The following LRRIQ1 variants were observed in gnomAD, a reference collection of about 807,000 sequenced individuals.
The protein encoded by LRRIQ1 is leucine-rich repeat- and IQ domain-containing protein 1.
Under a neutral mutation model 211.9 loss-of-function variants are expected in LRRIQ1, and 210 were observed. The observed-to-expected ratio is 0.99, with a 90% confidence interval of 0.89 to 1.11. The LOEUF (loss-of-function observed/expected upper bound fraction) is 1.11, where lower values mean the gene tolerates loss of function less well. Ranked by LOEUF, LRRIQ1 falls within the 50% of genes most tolerant of loss-of-function variation. The pLI, the probability that LRRIQ1 is intolerant of heterozygous loss-of-function variation, is 0.00. For synonymous variants in LRRIQ1, 699 were observed against 650.1 expected, an observed-to-expected ratio of 1.08 and a Z score of -1.14; for missense variants, 2,136 against 1,939.5, an observed-to-expected ratio of 1.10 and a Z score of -1.90.
chr12:85,098,832 C>T, intron 12 of LRRIQ1, 35 bp from the exon 13 acceptor site: 4 of 1,434,700 alleles, frequency 2.8e-6, no homozygotes, highest in Non-Finnish European at 3.8e-6. Context: ...AAATATTTTG[C>T]TTAATATAAA....
intron 8 of LRRIQ1, among the ~76,000 whole-genome samples, chr12:85,064,550 C>T (rs1164499426): frequency 2.6e-5 from 4 of 151,366 alleles, no homozygotes; most frequent in African/African-American, 7.3e-5. Context: ...CCATTTTTGC[C>T]TTGGTTGCCT....
intron 24 of LRRIQ1, among the ~76,000 whole-genome samples, chr12:85,192,412 T>TTA (rs1892570649): frequency 7.4e-6 from 1 of 134,672 alleles, no homozygotes; most frequent in Non-Finnish European, 1.5e-5. Flanking sequence ...ATTTATATAA[T>TTA]TATATACATT....
chr12:85,247,601 T>C (rs779114842), downstream of LRRIQ1, among the ~76,000 whole-genome samples: 6 of 151,582 alleles, frequency 4.0e-5, no homozygotes, highest in Non-Finnish European at 7.4e-5. Context: ...TAGTAATGTT[T>C]ATATCATAGT....
At chr12:85,270,809 T>C in the LRRIQ1 span, among the ~76,000 whole-genome samples, 1 of 152,150 alleles carries the variant, frequency 6.6e-6, no homozygotes, top group Non-Finnish European at 1.5e-5. Flanking sequence ...GAAGATAACA[T>C]TGAATCAGAA....
At chr12:85,059,297 G>A (rs1169421565) in intron 8 of LRRIQ1, among the ~76,000 whole-genome samples, 1 of 151,960 alleles carries the variant, frequency 6.6e-6, no homozygotes, top group African/African-American at 2.4e-5. Flanking sequence ...GGATCTTCGT[G>A]TTGTTCATAC....
At chr12:85,049,813 C>T (rs1255508253) in intron 6 of LRRIQ1, among the ~76,000 whole-genome samples, 1 of 152,198 alleles carries the variant, frequency 6.6e-6, no homozygotes, top group Non-Finnish European at 1.5e-5. Context: ...ATTATACTCA[C>T]AGGTTTCTTT....
intron 24 of LRRIQ1, among the ~76,000 whole-genome samples, chr12:85,218,514 A>C (rs1192244526): frequency 1.3e-5 from 2 of 152,134 alleles, no homozygotes; most frequent in African/African-American, 4.8e-5. Context: ...GACAGAGAGA[A>C]GATAAATACT....
intron 11 of LRRIQ1, among the ~76,000 whole-genome samples, chr12:85,095,270 T>G (rs1016152791): frequency 6.6e-6 from 1 of 152,180 alleles, no homozygotes; most frequent in Non-Finnish European, 1.5e-5. Context: ...GGGCTCTAAT[T>G]ATTTTGAGTT....
intron 24 of LRRIQ1, among the ~76,000 whole-genome samples, chr12:85,163,546 A>G (rs866026937): frequency 6.6e-6 from 1 of 152,106 alleles, no homozygotes; most frequent in South Asian, 2.1e-4. Context: ...GTAACATTGT[A>G]TAAATTTAAA....
intron 12 of LRRIQ1, 42 bp downstream of exon 12, chr12:85,098,590 C>T: frequency 6.8e-7 from 1 of 1,470,830 alleles, no homozygotes; most frequent in South Asian, 1.3e-5. Flanking sequence ...TAAAGCAACA[C>T]TTTTCTTTTG....
chr12:85,208,214 G>T (rs1448629828), intron 24 of LRRIQ1, among the ~76,000 whole-genome samples: 2 of 151,310 alleles, frequency 1.3e-5, no homozygotes. Context: ...AAAAAAAAAA[G>T]AAATGAAAGT....
At chr12:85,059,022 G>A (rs1057514394) in intron 8 of LRRIQ1, among the ~76,000 whole-genome samples, 9 of 151,906 alleles carry the variant, frequency 5.9e-5, no homozygotes, top group Non-Finnish European at 1.0e-4. Context: ...ATCATCTTTT[G>A]TTACCAGACA....
chr12:85,118,500 T>TA lies in LRRIQ1; in HGVS notation c.3378-3197_3378-3196insA, dbSNP rs1565845761. ...TGCTCTCAGTACATGAAAAACTATG[T>TA]TTTTTTTTTTTTTTTGCTTTTATAG... On this transcript the variant is annotated intron_variant, in intron 15 of 26. Coordinates refer to ENST00000393217, the MANE Select transcript of LRRIQ1 (RefSeq NM_001079910.2). 7.0e-5 allele frequency among the ~76,000 whole-genome samples: 2 copies of TA among 28,556 alleles called. 1 individual carries two copies. Among genetic ancestry groups the TA allele is most frequent in the African/African-American group, 5.7e-4 (2 of 3,506 alleles). 18.7% of individuals were successfully genotyped at this position (28,556 alleles called of 152,430 possible).
chr12:85,127,720 T>C (rs1056887564), intron 17 of LRRIQ1, 112 bp from the exon 18 acceptor site: 5 of 824,962 alleles, frequency 6.1e-6, no homozygotes, highest in Non-Finnish European at 9.5e-6. Flanking sequence ...TATTTTTAAA[T>C]AATACTTTAT....
At chr12:85,178,555 C>T (rs528337491) in intron 24 of LRRIQ1, among the ~76,000 whole-genome samples, 15 of 152,012 alleles carry the variant, frequency 9.9e-5, no homozygotes, top group Admixed American at 8.5e-4. Context: ...CAGTGTTAAC[C>T]TCTTAGTTAC....
At chr12:85,062,791 T>C (rs1881989142) in intron 8 of LRRIQ1, among the ~76,000 whole-genome samples, 1 of 151,866 alleles carries the variant, frequency 6.6e-6, no homozygotes, top group African/African-American at 2.4e-5. Context: ...CTTTCCACAG[T>C]GGCTTAACTA....
chr12:85,262,887 A>G (rs1217950760), intron 1 of LRRIQ1: 1 of 952,102 alleles, frequency 1.1e-6, no homozygotes, highest in Non-Finnish European at 1.3e-6. Flanking sequence ...ATATTCAGTG[A>G]AAGTGTATAT....
intron 8 of LRRIQ1, among the ~76,000 whole-genome samples, chr12:85,059,061 G>A (rs1881477007): frequency 6.6e-6 from 1 of 151,932 alleles, no homozygotes; most frequent in Admixed American, 6.6e-5. Context: ...TTTGGTAGAT[G>A]GCTTACCATG....
At chr12:85,246,884 A>C (rs556439440), downstream of LRRIQ1, among the ~76,000 whole-genome samples, 1 of 151,654 alleles carries the variant, frequency 6.6e-6, no homozygotes, top group Admixed American at 6.6e-5. Context: ...TATAATAATA[A>C]GGAGTGTGGT....
Sources: gnomAD v4.1 joint callset for allele counts (sites outside exome capture counted in the v4.1 genomes callset) on GRCh38, gnomAD v4.1.1 for gene constraint, MANE v1.5 for transcripts, NCBI Gene and HGNC (gene_info 2026-07-23, HGNC 2026-07-21) for gene names.